Variants in VAV3 observed in about 807,000 individuals in gnomAD.
VAV3 encodes the protein vav guanine nucleotide exchange factor 3.
VAV3 carries 94 observed loss-of-function variants against 131.2 expected under a neutral mutation model. The observed-to-expected ratio is 0.72, with a 90% CI of 0.61 to 0.85. VAV3 has a LOEUF of 0.85. Ranked by LOEUF, VAV3 falls within the 40% of genes least tolerant of loss-of-function variation. The probability of loss-of-function intolerance (pLI) is 0.00; values close to 1 mark genes in which losing one functional copy is unlikely to be tolerated. For synonymous variants in VAV3, 349 were observed against 342.0 expected, an observed-to-expected ratio of 1.02 and a Z score of -0.22; for missense variants, 939 against 1,002.7, an observed-to-expected ratio of 0.94 and a Z score of 0.86.
intron 2 of VAV3, among the ~76,000 whole-genome samples, chr1:107,869,850 G>T (rs1472218390): frequency 6.6e-6 from 1 of 152,014 alleles, no homozygotes; most frequent in African/African-American, 2.4e-5. Flanking sequence ...TTATTCATTT[G>T]CATCCTCATA....
At chr1:107,949,948 T>G (rs1278533464) in intron 1 of VAV3, among the ~76,000 whole-genome samples, 1 of 152,166 alleles carries the variant, frequency 6.6e-6, no homozygotes, top group Non-Finnish European at 1.5e-5. Flanking sequence ...AAAAGAAAGT[T>G]GTACTACTGA....
chr1:107,727,826 A>C (rs1224605125), intron 15 of VAV3, among the ~76,000 whole-genome samples: 1 of 152,200 alleles, frequency 6.6e-6, no homozygotes, highest in Non-Finnish European at 1.5e-5. Context: ...CTCTTAAAGC[A>C]TCAATACCCT....
At chr1:107,575,565 T>C (rs1649587448) in intron 25 of VAV3, among the ~76,000 whole-genome samples, 2 of 152,198 alleles carry the variant, frequency 1.3e-5, no homozygotes, top group Admixed American at 6.5e-5. Flanking sequence ...ACCACTTTAA[T>C]AGCTTTCTCA....
intron 19 of VAV3, among the ~76,000 whole-genome samples, chr1:107,675,511 C>T (rs1290776724): frequency 1.3e-5 from 2 of 152,186 alleles, no homozygotes; most frequent in East Asian, 1.9e-4. Context: ...TGCTATTATG[C>T]ATGAATATGT....
At chr1:107,832,309 C>T (rs1668290135) in intron 2 of VAV3, among the ~76,000 whole-genome samples, 1 of 152,194 alleles carries the variant, frequency 6.6e-6, no homozygotes, top group African/African-American at 2.4e-5. Flanking sequence ...CCGGAGGAAG[C>T]ATATAGACTC....
intron 2 of VAV3, among the ~76,000 whole-genome samples, chr1:107,874,058 A>C (rs1399321973): frequency 6.6e-6 from 1 of 152,218 alleles, no homozygotes; most frequent in Non-Finnish European, 1.5e-5. Context: ...TAGCACCTGA[A>C]TTACAAGAAT....
intron 17 of VAV3, among the ~76,000 whole-genome samples, chr1:107,698,372 G>T (rs188735116): frequency 6.6e-6 from 1 of 152,286 alleles, no homozygotes; most frequent in African/African-American, 2.4e-5. Flanking sequence ...GAAATCACAA[G>T]GGGAAGCAAA....
intron 19 of VAV3, among the ~76,000 whole-genome samples, chr1:107,675,048 C>A (rs1024775711): frequency 1.3e-5 from 2 of 152,100 alleles, no homozygotes; most frequent in African/African-American, 4.8e-5. Flanking sequence ...GTTGAGCCTT[C>A]GGATGAGATC....
chr1:107,674,220 C>A (rs1314102073), intron 19 of VAV3, among the ~76,000 whole-genome samples: 1 of 152,190 alleles, frequency 6.6e-6, no homozygotes, highest in Non-Finnish European at 1.5e-5. Flanking sequence ...CTTTCCATTT[C>A]CAAACTGTTA....
intron 2 of VAV3, among the ~76,000 whole-genome samples, chr1:107,857,225 C>T (rs561278225): frequency 7.9e-5 from 12 of 152,208 alleles, no homozygotes; most frequent in African/African-American, 2.6e-4. Context: ...CAGAAAAACA[C>T]GAAAAGGCTA....
At chr1:107,876,916 T>C (rs1316412366) in intron 1 of VAV3, among the ~76,000 whole-genome samples, 1 of 150,264 alleles carries the variant, frequency 6.7e-6, no homozygotes, top group Non-Finnish European at 1.5e-5. Flanking sequence ...GTTGCCAATG[T>C]CTTAATTCAT....
intron 25 of VAV3, among the ~76,000 whole-genome samples, chr1:107,593,993 CAT>C (rs1183796795): frequency 6.6e-6 from 1 of 152,022 alleles, no homozygotes; most frequent in Non-Finnish European, 1.5e-5. Context: ...TCCTCAGAAC[CAT>C]CTTAGTCTTC....
Position 107,897,631 on chromosome 1 carries a change from A to G in VAV3, c.205-22614T>C, listed in dbSNP as rs114034458. On this transcript the variant is annotated intron_variant, in intron 1 of 26. Transcript: ENST00000370056. ...TGGCGTCCTGCACCACCTCAGGTGC[A>G]TTCACCCTGCCCATGACACCACGGT... Among the ~76,000 whole-genome samples the G allele has an allele frequency of 3.6e-3, 547 of 152,166 alleles. 6 individuals carry two copies. Among genetic ancestry groups the G allele is most frequent in the African/African-American group, 0.013 (520 of 41,514 alleles).
intron 19 of VAV3, among the ~76,000 whole-genome samples, chr1:107,674,762 G>A (rs889395059): frequency 6.6e-6 from 1 of 152,174 alleles, no homozygotes; most frequent in Admixed American, 6.5e-5. Context: ...TTCCCTGAAT[G>A]TGGGTAGCCA....
At chr1:107,885,249 C>T (rs542928383) in intron 1 of VAV3, among the ~76,000 whole-genome samples, 12 of 63,666 alleles carry the variant, frequency 1.9e-4, no homozygotes, top group African/African-American at 5.9e-4. Flanking sequence ...ATAAGTCTGT[C>T]GCTTTTATTT....
chr1:107,669,049 T>C, intron 19 of VAV3: 1 of 1,063,630 alleles, frequency 9.4e-7, no homozygotes, highest in Non-Finnish European at 1.1e-6. Flanking sequence ...AGTCAGGAGC[T>C]GCTAAGAAGG....
At chr1:107,889,770 A>T (rs1478876467) in intron 1 of VAV3, among the ~76,000 whole-genome samples, 1 of 152,214 alleles carries the variant, frequency 6.6e-6, no homozygotes, top group African/African-American at 2.4e-5. Flanking sequence ...CTGTATGATC[A>T]GAAAGTGTCT....
intron 5 of VAV3, among the ~76,000 whole-genome samples, chr1:107,772,376 G>A (rs1433348151): frequency 6.6e-6 from 1 of 151,868 alleles, no homozygotes; most frequent in Non-Finnish European, 1.5e-5. Flanking sequence ...AAATTTAAAG[G>A]GAAAAATTTA....
At chr1:107,764,619 A>C (rs972443058) in intron 9 of VAV3, among the ~76,000 whole-genome samples, 5 of 152,304 alleles carry the variant, frequency 3.3e-5, no homozygotes, top group African/African-American at 1.2e-4. Flanking sequence ...TCTCGGGCTC[A>C]AGTGCATACT....
Sources: gnomAD v4.1 joint callset for allele counts (sites outside exome capture counted in the v4.1 genomes callset) on GRCh38, gnomAD v4.1.1 for gene constraint, MANE v1.5 for transcripts, NCBI Gene and HGNC (gene_info 2026-07-23, HGNC 2026-07-21) for gene names.